Variants in RBFOX1 observed in about 807,000 individuals in gnomAD.
RBFOX1 encodes the protein RNA binding fox-1 homolog 1.
RBFOX1 carries 8 observed loss-of-function variants against 57.7 expected under a neutral mutation model. The observed-to-expected ratio is 0.14, with a 90% CI of 0.08 to 0.25. The LOEUF (loss-of-function observed/expected upper bound fraction) is 0.25. RBFOX1 is among the 10% of genes least tolerant of loss of function. The pLI is 1.00. For missense variants in RBFOX1, 611 were observed against 548.5 expected, an observed-to-expected ratio of 1.11 and a Z score of -1.14; for synonymous variants, 326 against 222.4, an observed-to-expected ratio of 1.47 and a Z score of -4.15.
intron 4 of RBFOX1, among the ~76,000 whole-genome samples, chr16:7,073,361 G>A (rs146729294): frequency 7.2e-5 from 11 of 152,276 alleles, no homozygotes; most frequent in African/African-American, 1.9e-4. Flanking sequence ...CAAATCCTAA[G>A]AAGATCTTCC....
chr16:6,789,001 A>G lies in RBFOX1; in HGVS notation c.-16+134351A>G, dbSNP rs191110143. Reference sequence around the variant, plus strand: ...ATGTGGTTTTATTCCCTGAAAAGTCACTTCTGGATGGACCCAGTCTGAAGA... The same window carrying G: ...ATGTGGTTTTATTCCCTGAAAAGTCGCTTCTGGATGGACCCAGTCTGAAGA... On this transcript the variant is annotated intron_variant, in intron 3 of 15. Coordinates refer to ENST00000550418, the MANE Select transcript of RBFOX1 (RefSeq NM_018723.4). 4.4e-3 allele frequency among the ~76,000 whole-genome samples: 666 copies of G among 152,168 alleles called. 4 individuals are homozygous for G. The highest frequency in any genetic ancestry group is 0.016 in the African/African-American group (650 of 41,522).
intron 1 of RBFOX1, among the ~76,000 whole-genome samples, chr16:5,276,344 C>G (rs372814084): frequency 6.6e-6 from 1 of 152,062 alleles, no homozygotes; most frequent in Non-Finnish European, 1.5e-5. Flanking sequence ...AAAAAATAAT[C>G]CCATCAAAAA....
intron 15 of RBFOX1, 29 bp from the exon 16 acceptor site, chr16:7,710,594 A>C (rs1247742329): frequency 1.9e-6 from 3 of 1,609,722 alleles, no homozygotes; most frequent in Non-Finnish European, 2.5e-6. Flanking sequence ...AAATGTAAAA[A>C]ACACACCCCT....
chr16:6,819,845 C>G (rs776205378), intron 3 of RBFOX1, among the ~76,000 whole-genome samples: 13 of 152,024 alleles, frequency 8.6e-5, no homozygotes, highest in East Asian at 3.9e-4. Context: ...GAATCCAGCC[C>G]TCTGATTCCA....
At chr16:6,248,395 C>T (rs1255938468) in intron 1 of RBFOX1, among the ~76,000 whole-genome samples, 1 of 152,066 alleles carries the variant, frequency 6.6e-6, no homozygotes, top group Non-Finnish European at 1.5e-5. Flanking sequence ...ACTCTTTGGA[C>T]AGTGTTGTGG....
At chr16:6,431,830 A>G (rs1263843516) in intron 2 of RBFOX1, among the ~76,000 whole-genome samples, 5 of 152,100 alleles carry the variant, frequency 3.3e-5, no homozygotes, top group Non-Finnish European at 2.9e-5. Context: ...CTGGTCATTT[A>G]CAGAGTTATT....
At chr16:7,504,000 G>A (rs1166620025) in intron 4 of RBFOX1, among the ~76,000 whole-genome samples, 9 of 152,012 alleles carry the variant, frequency 5.9e-5, no homozygotes, top group African/African-American at 1.4e-4. Context: ...ATGGATGAAC[G>A]GTGCCCAAGA....
At chr16:5,776,815 C>T (rs1240921640) in intron 3 of RBFOX1, among the ~76,000 whole-genome samples, 2 of 152,158 alleles carry the variant, frequency 1.3e-5, no homozygotes, top group African/African-American at 4.8e-5. Flanking sequence ...TCCAGAACAG[C>T]CCTGTCCAGG....
At chr16:6,171,131 G>A (rs1011653028) in intron 1 of RBFOX1, among the ~76,000 whole-genome samples, 2 of 152,166 alleles carry the variant, frequency 1.3e-5, no homozygotes, top group South Asian at 2.1e-4. Flanking sequence ...AGATCAAATG[G>A]TAGTTCTGTT....
At chr16:5,953,837 A>G (rs1181327484) in intron 4 of RBFOX1, among the ~76,000 whole-genome samples, 4 of 152,216 alleles carry the variant, frequency 2.6e-5, no homozygotes, top group African/African-American at 9.6e-5. Context: ...ATTTTTTTGT[A>G]TAATGACTTC....
chr16:6,193,801 C>T (rs570987497), intron 1 of RBFOX1, among the ~76,000 whole-genome samples: 2 of 152,150 alleles, frequency 1.3e-5, no homozygotes, highest in East Asian at 1.9e-4. Context: ...CTGCACATCC[C>T]TCCTTCCTTT....
At chr16:5,549,702 G>A (rs1045008907) in intron 2 of RBFOX1, among the ~76,000 whole-genome samples, 7 of 152,064 alleles carry the variant, frequency 4.6e-5, no homozygotes, top group Admixed American at 3.9e-4. Context: ...ATCATAGCAT[G>A]GTTTTACATA....
chr16:7,569,857 T>C (rs2092590956), intron 5 of RBFOX1, among the ~76,000 whole-genome samples: 1 of 151,988 alleles, frequency 6.6e-6, no homozygotes, highest in Non-Finnish European at 1.5e-5. Flanking sequence ...AGCGCCTCTG[T>C]CTCCAAAAAA....
intron 11 of RBFOX1, among the ~76,000 whole-genome samples, chr16:7,639,730 G>T (rs2062439704): frequency 6.6e-6 from 1 of 152,134 alleles, no homozygotes; most frequent in South Asian, 2.1e-4. Context: ...GGTGAATTAA[G>T]TGTCCCTATT....
At chr16:6,793,220 T>G (rs549979889) in intron 3 of RBFOX1, among the ~76,000 whole-genome samples, 1 of 152,152 alleles carries the variant, frequency 6.6e-6, no homozygotes, top group Non-Finnish European at 1.5e-5. Context: ...AAAGGTACTG[T>G]TTGTTAATTT....
chr16:6,685,712 C>G (rs2154127196), intron 3 of RBFOX1, among the ~76,000 whole-genome samples: 1 of 152,280 alleles, frequency 6.6e-6, no homozygotes, highest in East Asian at 1.9e-4. Context: ...AAGATGGCCT[C>G]ATCACTCAAG....
intron 3 of RBFOX1, among the ~76,000 whole-genome samples, chr16:5,622,620 C>G (rs1270735936): frequency 6.6e-6 from 1 of 152,222 alleles, no homozygotes; most frequent in Non-Finnish European, 1.5e-5. Flanking sequence ...TAGGCCAAAT[C>G]CGGCCCGATG....
chr16:6,763,553 T>C (rs2076926501), intron 3 of RBFOX1, among the ~76,000 whole-genome samples: 1 of 152,232 alleles, frequency 6.6e-6, no homozygotes, highest in African/African-American at 2.4e-5. Flanking sequence ...TGAGTTTTGC[T>C]TGGGGTTATT....
chr16:6,192,564 A>T (rs1400500905), intron 1 of RBFOX1, among the ~76,000 whole-genome samples: 1 of 152,158 alleles, frequency 6.6e-6, no homozygotes, highest in Non-Finnish European at 1.5e-5. Context: ...AAGGATGGTC[A>T]CTAAGCATCT....
Sources: allele counts gnomAD v4.1 joint callset (sites outside exome capture counted in the v4.1 genomes callset), GRCh38; gene constraint gnomAD v4.1.1; transcripts MANE v1.5; gene names NCBI Gene and HGNC (gene_info 2026-07-23, HGNC 2026-07-21).